Variants in FBXO31 observed in about 807,000 individuals in gnomAD.
FBXO31 encodes the protein F-box protein 31.
Under a neutral mutation model 54.4 loss-of-function variants are expected in FBXO31, and 24 were observed. The ratio of observed to expected loss-of-function variants is 0.44; its 90% CI spans 0.32 to 0.62. The LOEUF (loss-of-function observed/expected upper bound fraction) is 0.62. Among genes scored for constraint, FBXO31 ranks in the 20% least tolerant of loss-of-function variants. FBXO31 has a pLI of 0.05. For missense variants in FBXO31, 665 were observed against 787.1 expected (o/e 0.84, Z 1.86); for synonymous variants, 388 against 335.6 (o/e 1.16, Z -1.71).
intron 1 of FBXO31, among the ~76,000 whole-genome samples, chr16:87,368,610 T>C (rs1236964330): frequency 6.6e-6 from 1 of 151,184 alleles, no homozygotes; most frequent in Admixed American, 6.6e-5. Flanking sequence ...AAAGTTTCCT[T>C]ACTAATCTAT....
At chr16:87,366,821 A>G (rs1406575270) in intron 1 of FBXO31, among the ~76,000 whole-genome samples, 1 of 152,222 alleles carries the variant, frequency 6.6e-6, no homozygotes, top group Non-Finnish European at 1.5e-5. Flanking sequence ...AAAGGGGCAC[A>G]CACATCTAGG....
chr16:87,383,347 G>T lies in FBXO31; in HGVS notation c.340+58C>A, dbSNP rs1253483590. On this transcript the variant is annotated intron_variant, in intron 1 of 8. Transcript: ENST00000311635. This position sits in a 1 kb window ranked among gnomAD's most constrained non-coding sequence, Gnocchi z 4.9. ...CGCCCCCGCCACTCCCAGCTCCGAGGCCTCCACCTGGCAGGGACCCCCCGC... is the reference window on the plus strand; with the variant it reads ...CGCCCCCGCCACTCCCAGCTCCGAGTCCTCCACCTGGCAGGGACCCCCCGC... The T allele has an allele frequency of 5.1e-5, 71 of 1,403,014 alleles. 2 individuals carry two copies. The Admixed American group carries it at 1.4e-3, about 27-fold the overall frequency. The allele number at this position is 1,403,014 out of a possible 1,614,324, so 86.9% of individuals were successfully genotyped here. A position where few individuals can be genotyped will look rare whatever the true frequency, so the allele number is the denominator to read the frequency against.
At position 87,383,254 on chromosome 16, in the gene FBXO31, C is replaced by G. The variant is rs572222357; in HGVS notation, c.340+151G>C. On this transcript the variant is annotated intron_variant, in intron 1 of 8. Coordinates refer to ENST00000311635, the MANE Select transcript of FBXO31 (RefSeq NM_024735.5). The surrounding 1 kb of genome is among the most constrained non-coding windows in gnomAD (Gnocchi z 4.9). ...CAACGTGGTGTCACCGCGGCCGCTC[C>G]CCACCCACACCCAAAACACCACATC... 3.0e-4 allele frequency: 227 copies of G among 757,860 alleles called. 1 individual carries two copies. Among genetic ancestry groups the G allele is most frequent in the South Asian group, 9.7e-4 (49 of 50,394 alleles). 46.9% of individuals were successfully genotyped at this position (757,860 alleles called of 1,614,324 possible). A position where few individuals can be genotyped will look rare whatever the true frequency, so the allele number is the denominator to read the frequency against.
chr16:87,343,009 T>C, intron 4 of FBXO31, 58 bp from the exon 5 acceptor site: 1 of 1,472,816 alleles, frequency 6.8e-7, no homozygotes, highest in Non-Finnish European at 9.3e-7. Flanking sequence ...CATCACAGCA[T>C]CCCCCACCCC....
intron 1 of FBXO31, among the ~76,000 whole-genome samples, chr16:87,375,771 G>T (rs145286781): frequency 6.6e-6 from 1 of 152,120 alleles, no homozygotes; most frequent in Admixed American, 6.6e-5. Flanking sequence ...TTTCCTATCC[G>T]GAGAAGGAGC....
upstream of FBXO31, among the ~76,000 whole-genome samples, chr16:87,388,526 C>G (rs532059898): frequency 6.6e-6 from 1 of 152,296 alleles, no homozygotes; most frequent in South Asian, 2.1e-4. Context: ...AGGGAGAGGC[C>G]GAGGAGGCCT....
chr16:87,371,419 C>T (rs1167455293), intron 1 of FBXO31, among the ~76,000 whole-genome samples: 2 of 152,254 alleles, frequency 1.3e-5, no homozygotes, highest in African/African-American at 2.4e-5. Flanking sequence ...AGCAATCACT[C>T]GGTGACACTG....
At chr16:87,364,966 C>T (rs1383218882) in intron 1 of FBXO31, among the ~76,000 whole-genome samples, 3 of 131,346 alleles carry the variant, frequency 2.3e-5, no homozygotes, top group African/African-American at 8.7e-5. Flanking sequence ...AAGATAACAC[C>T]ACTGCAATCC....
At chr16:87,377,914 T>A (rs767891026) in intron 1 of FBXO31, among the ~76,000 whole-genome samples, 11 of 151,828 alleles carry the variant, frequency 7.2e-5, no homozygotes, top group Admixed American at 5.9e-4. Context: ...TCCCAGCACT[T>A]TGGGAGCCCG....
chr16:87,388,637 C>T (rs748416843), upstream of FBXO31: 6 of 152,200 alleles, frequency 3.9e-5, no homozygotes, highest in Non-Finnish European at 7.3e-5. Context: ...TTTTGTGATT[C>T]ATTTGACAGG....
rs749954734 is a variant in FBXO31, at chr16:87,345,902, G to A, written c.489+1272C>T. On this transcript the variant is annotated intron_variant, in intron 3 of 8. Coordinates refer to ENST00000311635, the MANE Select transcript of FBXO31 (RefSeq NM_024735.5). This position sits in a 1 kb window ranked among gnomAD's most constrained non-coding sequence, Gnocchi z 4.9. ...CTACACAGGAGCCAGGACTACCGCC[G>A]CCAAACGCCAAAGATGGCAACCAGA... Among the ~76,000 whole-genome samples, 4 of 152,274 alleles carry A rather than the reference G, an allele frequency of 2.6e-5. No homozygotes were observed. Among genetic ancestry groups the A allele is most frequent in the East Asian group, 1.9e-4 (1 of 5,176 alleles).
intron 1 of FBXO31, among the ~76,000 whole-genome samples, chr16:87,376,631 G>T (rs921097147): frequency 6.6e-6 from 1 of 152,178 alleles, no homozygotes; most frequent in Non-Finnish European, 1.5e-5. Flanking sequence ...AATAAACACA[G>T]AAAGCAGACA....
At chr16:87,360,234 T>C (rs1336439120) in intron 2 of FBXO31, 61 bp downstream of exon 2, 15 of 1,434,492 alleles carry the variant, frequency 1.0e-5, no homozygotes, top group Non-Finnish European at 1.5e-5. Flanking sequence ...TTGTCATTGA[T>C]GTGCACTGTC....
At chr16:87,384,352 G>T (rs1325826121), upstream of FBXO31, among the ~76,000 whole-genome samples, 1 of 152,224 alleles carries the variant, frequency 6.6e-6, no homozygotes, top group East Asian at 1.9e-4. Context: ...AGCTCTGCAG[G>T]GACCTTCGGG....
upstream of FBXO31, chr16:87,383,843 G>GC (rs925315133): frequency 1.0e-5 from 9 of 865,086 alleles, no homozygotes; most frequent in South Asian, 5.5e-5. The surrounding 1 kb of genome is among the most constrained non-coding windows in gnomAD (Gnocchi z 4.9). Flanking sequence ...AGCTCGCCAC[G>GC]CCCCCTGGAG....
At chr16:87,392,076 C>G (rs571332812), upstream of FBXO31, 16 of 227,388 alleles carry the variant, frequency 7.0e-5, no homozygotes, top group South Asian at 1.6e-4. Context: ...CAGCCCACAA[C>G]CGTCACCTCA....
At chr16:87,368,123 G>T (rs1182236441) in intron 1 of FBXO31, among the ~76,000 whole-genome samples, 1 of 152,144 alleles carries the variant, frequency 6.6e-6, no homozygotes, top group African/African-American at 2.4e-5. Flanking sequence ...ACTTGATAAA[G>T]CATCCACAAA....
intron 1 of FBXO31, among the ~76,000 whole-genome samples, chr16:87,365,676 A>G (rs1211761667): frequency 2.0e-5 from 3 of 152,222 alleles, no homozygotes; most frequent in East Asian, 3.8e-4. Context: ...CAATTTCTGG[A>G]AAAGTTCTGA....
chr16:87,351,191 A>G (rs1285091360), intron 2 of FBXO31, among the ~76,000 whole-genome samples: 1 of 152,254 alleles, frequency 6.6e-6, no homozygotes, highest in Non-Finnish European at 1.5e-5. Context: ...AAGCATGGCT[A>G]TCGCACAAGC....
Sources: allele counts gnomAD v4.1 joint callset (sites outside exome capture counted in the v4.1 genomes callset), GRCh38; gene constraint gnomAD v4.1.1; non-coding constraint Gnocchi (gnomAD v3.1); transcripts MANE v1.5; gene names NCBI Gene and HGNC (gene_info 2026-07-23, HGNC 2026-07-21).